DOCK3: variants seen among roughly 807,000 people sequenced by gnomAD.
DOCK3 encodes the protein dedicator of cytokinesis 3, also known as dedicator of cytokinesis protein 3.
A neutral mutation model predicts 265.6 loss-of-function variants in DOCK3; 60 were observed. That is an observed-to-expected ratio of 0.23 (90% confidence interval 0.18 to 0.28). The LOEUF (loss-of-function observed/expected upper bound fraction) is 0.28. DOCK3 is among the 10% of genes least tolerant of loss of function. DOCK3 has a pLI of 1.00. For synonymous variants in DOCK3, 881 were observed against 938.0 expected (o/e 0.94, Z 1.11); for missense variants, 1,981 against 2,594.3 (o/e 0.76, Z 5.14).
chr3:51,208,699 A>C (rs936220637), intron 12 of DOCK3, 75 bp from the exon 13 acceptor site: 1 of 1,185,712 alleles, frequency 8.4e-7, no homozygotes, highest in Admixed American at 2.1e-5. Flanking sequence ...CTTTGAACTT[A>C]AGTGTTACAC....
intron 5 of DOCK3, among the ~76,000 whole-genome samples, chr3:51,005,219 C>G (rs142588661): frequency 6.6e-6 from 1 of 152,046 alleles, no homozygotes; most frequent in Admixed American, 6.6e-5. Context: ...ATTTTCTCCA[C>G]CTCTAGAACA....
At chr3:50,830,765 C>T (rs190121284) in intron 2 of DOCK3, among the ~76,000 whole-genome samples, 80 of 152,252 alleles carry the variant, frequency 5.3e-4, no homozygotes, top group African/African-American at 1.9e-3. Flanking sequence ...CTGGCAAGGA[C>T]ATTTCACAGT....
intron 1 of DOCK3, among the ~76,000 whole-genome samples, chr3:50,731,131 CA>C (rs58878539): frequency 0.039 from 3,864 of 99,566 alleles, 150 homozygotes; most frequent in African/African-American, 0.11. Context: ...GACTCTGTCT[CA>C]AAAAAAAAAA....
At chr3:50,683,383 A>G (rs1356215406) in intron 1 of DOCK3, among the ~76,000 whole-genome samples, 1 of 152,228 alleles carries the variant, frequency 6.6e-6, no homozygotes, top group Non-Finnish European at 1.5e-5. Flanking sequence ...CCTTTACGCA[A>G]TTGATAAGCC....
At chr3:51,332,858 T>A in intron 33 of DOCK3, 143 bp from the exon 34 acceptor site, 1 of 953,108 alleles carries the variant, frequency 1.0e-6, no homozygotes, top group South Asian at 1.5e-5. Flanking sequence ...AGTGTATGCC[T>A]AAGGTGGCTG....
At chr3:51,128,351 C>A (rs1003053437) in intron 9 of DOCK3, among the ~76,000 whole-genome samples, 5 of 152,136 alleles carry the variant, frequency 3.3e-5, no homozygotes, top group Non-Finnish European at 5.9e-5. Flanking sequence ...CCCAGCCCTG[C>A]AAAGTATTGT....
chr3:50,761,197 T>G (rs1241720834), intron 1 of DOCK3, among the ~76,000 whole-genome samples: 1 of 152,190 alleles, frequency 6.6e-6, no homozygotes, highest in Non-Finnish European at 1.5e-5. Context: ...TAAACAAAGC[T>G]GCAATGTTTT....
chr3:50,804,878 C>T lies in DOCK3; in HGVS notation c.121+26120C>T, dbSNP rs528158307. On this transcript the variant is annotated intron_variant, in intron 2 of 52. Transcript: ENST00000266037. ...CTTCAGCTGTAGGATTTTTGTTTGG[C>T]TTATCTATCTTTTTTGAATTTCTTA... is the stretch of plus-strand genomic sequence containing the variant. 9.9e-5 allele frequency among the ~76,000 whole-genome samples: 15 copies of T among 152,240 alleles called. No homozygotes were observed. The East Asian group carries it at 1.5e-3, about 16-fold the overall frequency.
At chr3:50,957,670 C>T (rs2076766001) in intron 5 of DOCK3, among the ~76,000 whole-genome samples, 1 of 152,196 alleles carries the variant, frequency 6.6e-6, no homozygotes, top group Non-Finnish European at 1.5e-5. Context: ...AAATCTATGA[C>T]ACTCAGGTAA....
intron 12 of DOCK3, among the ~76,000 whole-genome samples, chr3:51,202,189 G>C (rs1315592356): frequency 1.7e-5 from 2 of 119,130 alleles, no homozygotes; most frequent in Admixed American, 8.9e-5. Flanking sequence ...GAAGGAAATA[G>C]AGACACAAAA....
chr3:51,007,411 A>G (rs2078726164), intron 5 of DOCK3, among the ~76,000 whole-genome samples: 1 of 152,174 alleles, frequency 6.6e-6, no homozygotes, highest in Non-Finnish European at 1.5e-5. Context: ...TGTTGGCTGC[A>G]TAAATGTCTT....
In DOCK3 at chr3:51,362,532, G is replaced by T. The variant is rs370184567; in HGVS notation, c.5151G>T (p.Ala1717=). The T allele has an allele frequency of 1.2e-6, 2 of 1,613,922 alleles. No homozygotes were observed. Among genetic ancestry groups the T allele is most frequent in the Non-Finnish European group, 1.7e-6 (2 of 1,179,886 alleles). Residue 1717 remains alanine, a synonymous_variant, in exon 49 of 53, where the codon GCG becomes GCT. Coordinates refer to ENST00000266037, the MANE Select transcript of DOCK3 (RefSeq NM_004947.5). ...TGATTTTTCTCCCTTTGCAGCTCGC[G>T]TATCCCAACCCCAGGTACCAAGGCT... ...PEDLYHHMQL[A]YPNPRYQGSV... is the part of the protein sequence containing the mutation.
chr3:50,880,173 A>G (rs1181441224), intron 3 of DOCK3, among the ~76,000 whole-genome samples: 1 of 152,232 alleles, frequency 6.6e-6, no homozygotes, highest in Non-Finnish European at 1.5e-5. Context: ...CCCACAAGAG[A>G]AAGCAGGAAA....
intron 1 of DOCK3, among the ~76,000 whole-genome samples, chr3:50,691,879 C>G (rs547917553): frequency 6.7e-6 from 1 of 150,064 alleles, no homozygotes; most frequent in Non-Finnish European, 1.5e-5. Context: ...AATGTCTGTT[C>G]GAATCCTTTG....
At chr3:51,114,475 T>C (rs918870796) in intron 9 of DOCK3, among the ~76,000 whole-genome samples, 10 of 152,116 alleles carry the variant, frequency 6.6e-5, no homozygotes, top group African/African-American at 2.4e-4. Context: ...TCAGTGGAGA[T>C]TTTAGTTTAA....
At chr3:50,993,036 T>C (rs1379637612) in intron 5 of DOCK3, among the ~76,000 whole-genome samples, 2 of 152,218 alleles carry the variant, frequency 1.3e-5, no homozygotes, top group African/African-American at 4.8e-5. Flanking sequence ...TTACACCCTT[T>C]AGGGACATCC....
At chr3:50,788,087 A>G in intron 2 of DOCK3, 1 of 751,830 alleles carries the variant, frequency 1.3e-6, no homozygotes, top group East Asian at 3.0e-5. Context: ...TAGTTTGCTC[A>G]TCTTGGTGTC....
chr3:51,026,547 A>G (rs1288799793), intron 5 of DOCK3, among the ~76,000 whole-genome samples: 1 of 151,818 alleles, frequency 6.6e-6, no homozygotes, highest in Non-Finnish European at 1.5e-5. Context: ...AAGTAGTTTC[A>G]GTATGATTGG....
chr3:51,148,002 G>A (rs1274501848), intron 10 of DOCK3, among the ~76,000 whole-genome samples: 2 of 152,176 alleles, frequency 1.3e-5, no homozygotes, highest in Non-Finnish European at 2.9e-5. Context: ...TCCAGCACCT[G>A]TTGCTTCCTG....
Sources: gnomAD v4.1 joint callset for allele counts (sites outside exome capture counted in the v4.1 genomes callset) on GRCh38, gnomAD v4.1.1 for gene constraint, MANE v1.5 for transcripts, NCBI Gene and HGNC (gene_info 2026-07-23, HGNC 2026-07-21) for gene names.